Variants in UCKL1 observed in about 807,000 individuals in gnomAD.
UCKL1 encodes uridine-cytidine kinase 1 like 1.
In UCKL1, 65 loss-of-function variants were observed where a neutral mutation model predicts 59.2. That is an observed-to-expected ratio of 1.10 (90% CI 0.90 to 1.35). The LOEUF is 1.35. Ranked by LOEUF, UCKL1 falls within the 40% of genes most tolerant of loss-of-function variation. The pLI, the probability that UCKL1 is intolerant of heterozygous loss-of-function variation, is 0.00. For synonymous variants in UCKL1, 410 were observed against 323.1 expected, an observed-to-expected ratio of 1.27 and a Z score of -2.88; for missense variants, 703 against 784.3, an observed-to-expected ratio of 0.90 and a Z score of 1.24.
intron 7 of UCKL1, 129 bp downstream of exon 7, chr20:63,944,268 A>G: frequency 1.1e-6 from 1 of 908,752 alleles, no homozygotes; most frequent in Non-Finnish European, 1.7e-6. Context: ...CAGGACACTC[A>G]GGGCTGGCAC....
intron 1 of UCKL1, among the ~76,000 whole-genome samples, chr20:63,951,813 A>AGGGCTCAGCAGGG (rs1239812782): frequency 6.6e-6 from 1 of 152,040 alleles, no homozygotes; most frequent in Non-Finnish European, 1.5e-5. Flanking sequence ...CTCCCCGCCC[A>AGGGCTCAGCAGGG]CAGAAACAGG....
chr20:63,952,376 G>A (rs2057777946), intron 1 of UCKL1, among the ~76,000 whole-genome samples: 1 of 152,200 alleles, frequency 6.6e-6, no homozygotes, highest in Non-Finnish European at 1.5e-5. Context: ...AGGGACGGAG[G>A]AGCCCAGGCA....
At chr20:63,943,153 C>T (rs2055113606) in intron 8 of UCKL1, among the ~76,000 whole-genome samples, 1 of 152,236 alleles carries the variant, frequency 6.6e-6, no homozygotes, top group Admixed American at 6.5e-5. Flanking sequence ...GCTGGCAGAG[C>T]TGTGCGGGCT....
intron 1 of UCKL1, among the ~76,000 whole-genome samples, chr20:63,947,189 C>G (rs561730354): frequency 6.6e-6 from 1 of 152,268 alleles, no homozygotes; most frequent in African/African-American, 2.4e-5. Context: ...ACAGCAAGGA[C>G]AGAGGAACAG....
chr20:63,947,394 A>G (rs977035597), intron 1 of UCKL1, among the ~76,000 whole-genome samples: 2 of 152,238 alleles, frequency 1.3e-5, no homozygotes, highest in Admixed American at 6.5e-5. Flanking sequence ...AATCGCTGCC[A>G]TGCTGAAGGC....
chr20:63,944,809 C>G, intron 5 of UCKL1, 75 bp from the exon 6 acceptor site: 1 of 1,545,452 alleles, frequency 6.5e-7, no homozygotes, highest in Non-Finnish European at 8.7e-7. Flanking sequence ...AGCCCCTGCA[C>G]TGAGGCCGCC....
At position 63,945,702 on chromosome 20, in the gene UCKL1, G is replaced by A. The variant is rs1179991793; in HGVS notation, c.603C>T (p.Asn201=). 3.1e-6 allele frequency: 5 copies of A among 1,613,182 alleles called. No homozygotes were observed. Among genetic ancestry groups the A allele is most frequent in the Admixed American group, 1.7e-5 (1 of 60,018 alleles). The change falls in exon 5 of 15, where the codon AAC becomes AAT. Residue 201 remains asparagine (N), a synonymous_variant. Transcript: ENST00000354216. ...CCATGATGCCCTCAAAGATGATGAC[G>A]TTTGCACCATACAGTGTTTTCTGTG... ...KKDWKTLYGA[N]VIIFEGIMAF...
intron 8 of UCKL1, 45 bp from the exon 9 acceptor site, chr20:63,941,253 C>T: frequency 6.9e-7 from 1 of 1,455,782 alleles, no homozygotes; most frequent in Non-Finnish European, 9.1e-7. Flanking sequence ...GGGTCTTTTC[C>T]CAGAGCCCTC....
chr20:63,941,691 G>A (rs41304828), intron 8 of UCKL1: 9 of 214,462 alleles, frequency 4.2e-5, no homozygotes, highest in Non-Finnish European at 7.3e-5. Flanking sequence ...GGGCAAAGCT[G>A]GCTCAGTGTC....
rs375713036 is a variant in UCKL1 at position 63,951,147 on chromosome 20, C to T, written c.114-4504G>A. The stretch of plus-strand genomic sequence containing the variant: ...GTACTGAGGGAACAGCACTCACTGC[C>T]GTCCTCAGAGGCCAAGGCCACAGGC... On this transcript the variant is annotated intron_variant, in intron 1 of 14. Coordinates refer to ENST00000354216, the MANE Select transcript of UCKL1 (RefSeq NM_017859.4). 17 of 1,070,018 alleles carry T rather than the reference C, an allele frequency of 1.6e-5. No homozygotes were observed. In the African/African-American group the frequency reaches 1.8e-4, roughly 12 times the overall value. 66.3% of individuals were successfully genotyped at this position (1,070,018 alleles called of 1,614,324 possible).
At chr20:63,941,260 C>T (rs988176103) in intron 8 of UCKL1, 52 bp from the exon 9 acceptor site, 4 of 1,454,316 alleles carry the variant, frequency 2.8e-6, no homozygotes, top group African/African-American at 1.4e-5. Context: ...TTCCCAGAGC[C>T]CTCCCTCCCC....
chr20:63,956,329 G>A lies in UCKL1; in HGVS notation c.44C>T (p.Thr15Met), dbSNP rs201642402. 9 of 1,553,748 alleles carry A rather than the reference G, an allele frequency of 5.8e-6. No homozygotes were observed. Among genetic ancestry groups the A allele is most frequent in the African/African-American group, 2.8e-5 (2 of 70,280 alleles). The change falls in exon 1 of 15, where the codon ACG becomes ATG. Residue 15 changes from threonine (T) to methionine (M), a missense_variant. Coordinates refer to ENST00000354216, the MANE Select transcript of UCKL1 (RefSeq NM_017859.4). The stretch of plus-strand genomic sequence containing the variant: ...TGTGTCTCGGGCCGTAGGTGGCGAC[G>A]TGGGCGAAGGATCAGCGTCCGCGCG... ...PARADADPSP[T>M]SPPTARDTPG...
Position 63,956,384 on chromosome 20 carries a change from G to A in UCKL1, c.-12C>T, listed in dbSNP as rs764026893. ...GGGGGCGCAGCCATGGCGCTCGGAG[G>A]CCTCTTTGCGGGCCTGGCCGGGCGG... On this transcript the variant is annotated 5_prime_UTR_variant, in exon 1 of 15. Transcript: ENST00000354216. The A allele has an allele frequency of 8.2e-6, 12 of 1,468,552 alleles. No individual in the cohort carries two copies. Among genetic ancestry groups the A allele is most frequent in the Non-Finnish European group, 6.3e-6 (7 of 1,112,570 alleles). The allele number at this position is 1,468,552 out of a possible 1,614,324, so 91.0% of individuals were successfully genotyped here.
At chr20:63,943,944 C>T (rs1199033501) in intron 7 of UCKL1, among the ~76,000 whole-genome samples, 1 of 152,204 alleles carries the variant, frequency 6.6e-6, no homozygotes, top group African/African-American at 2.4e-5. Flanking sequence ...CAGAGCCACT[C>T]AGGCTCCAAG....
At chr20:63,941,676 G>A (rs1478617292) in intron 8 of UCKL1, 1 of 217,714 alleles carries the variant, frequency 4.6e-6, no homozygotes, top group South Asian at 6.1e-5. Flanking sequence ...AGAGAGGGGG[G>A]TGGGGGGCAA....
At chr20:63,956,211 G>A (rs1279253944) in intron 1 of UCKL1, 49 bp downstream of exon 1, 10 of 1,449,998 alleles carry the variant, frequency 6.9e-6, no homozygotes, top group Non-Finnish European at 9.1e-6. Context: ...GGCCGGATCT[G>A]CAGCCCCTTC....
chr20:63,949,264 A>G (rs940998929), intron 1 of UCKL1, among the ~76,000 whole-genome samples: 1 of 152,116 alleles, frequency 6.6e-6, no homozygotes, highest in Non-Finnish European at 1.5e-5. Flanking sequence ...CAACAAGGCC[A>G]GGCGCCAAGA....
chr20:63,942,951 A>G (rs2055041562), intron 8 of UCKL1, among the ~76,000 whole-genome samples: 1 of 152,124 alleles, frequency 6.6e-6, no homozygotes, highest in Non-Finnish European at 1.5e-5. Context: ...ACATTTGGCA[A>G]ACTCTTTGGA....
chr20:63,946,844 G>A (rs533021911), intron 1 of UCKL1, among the ~76,000 whole-genome samples: 22 of 152,182 alleles, frequency 1.4e-4, no homozygotes, highest in African/African-American at 3.4e-4. Context: ...TTGGGAGGCC[G>A]AGGCAGGTGG....
Sources: gnomAD v4.1 joint callset for allele counts (sites outside exome capture counted in the v4.1 genomes callset) on GRCh38, gnomAD v4.1.1 for gene constraint, MANE v1.5 for transcripts, NCBI Gene and HGNC (gene_info 2026-07-23, HGNC 2026-07-21) for gene names.